Variants in NPEPPS observed in about 807,000 individuals in gnomAD.
NPEPPS encodes aminopeptidase puromycin sensitive.
A neutral mutation model predicts 115.5 loss-of-function variants in NPEPPS; 14 were observed. The ratio of observed to expected loss-of-function variants is 0.12; its 90% confidence interval spans 0.08 to 0.19. The LOEUF (loss-of-function observed/expected upper bound fraction) is 0.19. Ranked by LOEUF, NPEPPS falls within the 10% of genes least tolerant of loss-of-function variation. NPEPPS has a pLI of 1.00. For missense variants in NPEPPS, 523 were observed against 1,110.8 expected (o/e 0.47, Z 7.52); for synonymous variants, 285 against 390.6 (o/e 0.73, Z 3.19).
intron 8 of NPEPPS, 110 bp downstream of exon 8, chr17:47,586,508 T>G: frequency 1.3e-6 from 1 of 787,120 alleles, no homozygotes; most frequent in Non-Finnish European, 2.1e-6. Context: ...TGGTGTAAAT[T>G]TTTCTACCTT....
chr17:47,570,463 T>C (rs983510021), intron 3 of NPEPPS, among the ~76,000 whole-genome samples: 5 of 152,178 alleles, frequency 3.3e-5, no homozygotes, highest in African/African-American at 1.2e-4. Context: ...GCATCTTCTA[T>C]TAATTGAATC....
chr17:47,526,664 A>G (rs1184523723), upstream of NPEPPS, among the ~76,000 whole-genome samples: 2 of 152,246 alleles, frequency 1.3e-5, no homozygotes, highest in African/African-American at 4.8e-5. Context: ...ATAAAATACA[A>G]CTGGAGAGTT....
chr17:47,566,965 C>T (rs1179784085), intron 2 of NPEPPS, among the ~76,000 whole-genome samples: 1 of 152,078 alleles, frequency 6.6e-6, no homozygotes, highest in African/African-American at 2.4e-5. Context: ...CTGTAGTCCC[C>T]AGCTATCCCG....
chr17:47,597,638 A>C (rs1364838006), intron 13 of NPEPPS, among the ~76,000 whole-genome samples: 2 of 152,110 alleles, frequency 1.3e-5, no homozygotes, highest in African/African-American at 4.8e-5. Flanking sequence ...AAGTGCTGGG[A>C]TTACAGGTAT....
In NPEPPS at chr17:47,618,221, C is replaced by T. The variant is rs1038844812; in HGVS notation, c.2296-129C>T. ...AGTATTCTCTTTCTTTAATATAATGCCCTGCCATTCTTACCTAGTGAGAAT... is the reference window on the plus strand; with the variant it reads ...AGTATTCTCTTTCTTTAATATAATGTCCTGCCATTCTTACCTAGTGAGAAT... On this transcript the variant is annotated intron_variant, in intron 19 of 22. Coordinates refer to ENST00000322157, the MANE Select transcript of NPEPPS (RefSeq NM_006310.4). 6.5e-6 allele frequency: 4 copies of T among 619,256 alleles called. No homozygotes were observed. The African/African-American group carries it at 7.4e-5, about 12-fold the overall frequency. 38.4% of individuals were successfully genotyped at this position (619,256 alleles called of 1,614,324 possible).
rs533559497 is a variant in NPEPPS at position 47,524,171 on chromosome 17, G to A, written c.77+1108G>A. On this transcript the variant is annotated intron_variant, in intron 1 of 5. Transcript: ENST00000525007. ...AAATACAAAAAATTAGCTGGGCGTG[G>A]TGGCAGGCACCTGTAATCCCAGCTA... Among the ~76,000 whole-genome samples the A allele has an allele frequency of 3.9e-5, 6 of 152,028 alleles. No homozygotes were observed. In the South Asian group the frequency reaches 1.2e-3, roughly 32 times the overall value.
Position 47,575,188 on chromosome 17 carries a change from C to G in NPEPPS, c.419-4202C>G, listed in dbSNP as rs541091662. 1.4e-4 allele frequency among the ~76,000 whole-genome samples: 22 copies of G among 152,266 alleles called. No individual in the cohort carries two copies. The South Asian group carries it at 3.3e-3, about 23-fold the overall frequency. ...ACCGTCTTCTTTCTCAGCTCCATTC[C>G]TCAACAGAATGAAATGAAATTTTCC... On this transcript the variant is annotated intron_variant, in intron 3 of 22. Coordinates refer to ENST00000322157, the MANE Select transcript of NPEPPS (RefSeq NM_006310.4).
At chr17:47,586,124 G>C (rs1282606623) in intron 6 of NPEPPS, 24 bp from the exon 7 acceptor site, 2 of 580,560 alleles carry the variant, frequency 3.4e-6, no homozygotes, top group African/African-American at 2.0e-5. Context: ...TTATTAGATG[G>C]TTATTTTGTT....
At chr17:47,602,511 A>G (rs750534706) in intron 15 of NPEPPS, among the ~76,000 whole-genome samples, 1 of 151,808 alleles carries the variant, frequency 6.6e-6, no homozygotes, top group Non-Finnish European at 1.5e-5. Flanking sequence ...GATGGTGTGC[A>G]CCTGTAATCC....
chr17:47,534,454 C>T lies in NPEPPS; in HGVS notation c.255+2899C>T, dbSNP rs142859928. Among the ~76,000 whole-genome samples, 11 of 152,332 alleles carry T rather than the reference C, an allele frequency of 7.2e-5. No homozygotes were observed. The East Asian group carries it at 2.1e-3, about 29-fold the overall frequency. ...TTTCCTAACAGTTGGAATCACATAA[C>T]ACAAAACATGCAAGTTGCTTAGTTG... On this transcript the variant is annotated intron_variant, in intron 1 of 22. Coordinates refer to ENST00000322157, the MANE Select transcript of NPEPPS (RefSeq NM_006310.4).
Position 47,599,681 on chromosome 17 carries a change from A to G in NPEPPS, c.1542A>G (p.Glu514=). The G allele has an allele frequency of 6.4e-7, 1 of 1,560,090 alleles. No individual in the cohort carries two copies. The highest frequency in any genetic ancestry group is 1.4e-5 in the African/African-American group (1 of 73,868). ...CCTTTGTTTTGCTTCTTTAGGTAGAAGATGACAGATTATTGAGGTTGTCCC... is the reference window on the plus strand; with the variant it reads ...CCTTTGTTTTGCTTCTTTAGGTAGAGGATGACAGATTATTGAGGTTGTCCC... ...PLIYVEAEQV[E]DDRLLRLSQK... is the part of the protein sequence containing the mutation. Residue 514 remains glutamate, a synonymous_variant, in exon 14 of 23, where the codon GAA becomes GAG. Coordinates refer to ENST00000322157, the MANE Select transcript of NPEPPS (RefSeq NM_006310.4).
At chr17:47,558,294 A>T (rs1353976622) in intron 2 of NPEPPS, among the ~76,000 whole-genome samples, 1 of 150,896 alleles carries the variant, frequency 6.6e-6, no homozygotes, top group Non-Finnish European at 1.5e-5. Flanking sequence ...TTCCTGGCTA[A>T]TTTTTTCTAT....
At chr17:47,605,617 A>G in intron 17 of NPEPPS, 65 bp downstream of exon 17, 8 of 926,300 alleles carry the variant, frequency 8.6e-6, no homozygotes, top group Non-Finnish European at 1.3e-5. Flanking sequence ...GTGGTTAACA[A>G]TATAATTAAT....
chr17:47,613,598 T>A (rs1914010366), intron 18 of NPEPPS, 71 bp from the exon 19 acceptor site: 1 of 1,259,388 alleles, frequency 7.9e-7, no homozygotes, highest in Admixed American at 1.8e-5. Context: ...TTGCTTTCTG[T>A]CTTTTCTTAG....
intron 1 of NPEPPS, among the ~76,000 whole-genome samples, 197 bp from the exon 2 acceptor site, chr17:47,545,712 C>A (rs1310995566): frequency 6.6e-6 from 1 of 151,870 alleles, no homozygotes; most frequent in Non-Finnish European, 1.5e-5. Context: ...CAACTCCTGG[C>A]CAATTTTTGT....
At position 47,550,580 on chromosome 17, in the gene NPEPPS, G is replaced by T. The variant is rs184369635; in HGVS notation, c.340+4587G>T. ...GGTTTGTTTCTCATCCCTTTCTTTA[G>T]ATATAGTAACAGTTATACCAGATAT... On this transcript the variant is annotated intron_variant, in intron 2 of 22. Coordinates refer to ENST00000322157, the MANE Select transcript of NPEPPS (RefSeq NM_006310.4). Among the ~76,000 whole-genome samples the T allele has an allele frequency of 2.9e-3, 422 of 145,720 alleles. 4 individuals carry two copies. The highest frequency in any genetic ancestry group is 0.01 in the African/African-American group (403 of 39,912).
In NPEPPS at chr17:47,602,681, C is replaced by CT. The variant is rs906667740; in HGVS notation, c.1740+944dup. ...AGCCATTTTTTCTGTTTATCAACTTCTTTTTTTTTTGAGTTGGTCTCACTA... is the reference window on the plus strand; with the variant it reads ...AGCCATTTTTTCTGTTTATCAACTTCTTTTTTTTTTTGAGTTGGTCTCACTA... On this transcript the variant is annotated intron_variant, in intron 15 of 22. Transcript: ENST00000322157. Among the ~76,000 whole-genome samples, 879 of 139,158 alleles carry CT rather than the reference C, an allele frequency of 6.3e-3. 6 individuals are homozygous for CT. Among genetic ancestry groups the CT allele is most frequent in the African/African-American group, 0.021 (804 of 38,554 alleles). 91.3% of individuals were successfully genotyped at this position (139,158 alleles called of 152,430 possible). A position where few individuals can be genotyped will look rare whatever the true frequency, so the allele number is the denominator to read the frequency against.
rs1457953803 is a variant in NPEPPS at position 47,621,823 on chromosome 17, G to A, written c.2663G>A (p.Cys888Tyr). 6.2e-7 allele frequency: 1 copy of A among 1,613,920 alleles called. No individual in the cohort carries two copies. Among genetic ancestry groups the A allele is most frequent in the South Asian group, 1.1e-5 (1 of 91,080 alleles). The change falls in exon 23 of 23, where the codon TGT becomes TAT. Residue 888 changes from cysteine (C) to tyrosine (Y), a missense_variant. By Grantham distance (194) the Cys-to-Tyr change is radical. Around this residue, in one of 4 missense-constraint regions of NPEPPS, gnomAD observed 372 missense variants for 542.6 expected, o/e 0.69. Coordinates refer to ENST00000322157, the MANE Select transcript of NPEPPS (RefSeq NM_006310.4). ...GCTGAGCGTACCATCCAGCAGTGTTGTGAAAATATTCTGCTGAATGCTGCC... is the reference window on the plus strand; with the variant it reads ...GCTGAGCGTACCATCCAGCAGTGTTATGAAAATATTCTGCTGAATGCTGCC... Reference protein sequence around the residue: ...PSAERTIQQCCENILLNAAWL... With the variant: ...PSAERTIQQCYENILLNAAWL...
chr17:47,596,856 C>G (rs1251920877), intron 13 of NPEPPS, among the ~76,000 whole-genome samples: 1 of 152,050 alleles, frequency 6.6e-6, no homozygotes, highest in African/African-American at 2.4e-5. Flanking sequence ...GAGGCCAGCC[C>G]GGCCAATGTA....
Sources: gnomAD v4.1 joint callset for allele counts (sites outside exome capture counted in the v4.1 genomes callset) on GRCh38, gnomAD v4.1.1 for gene constraint, gnomAD v4.1.1 regional missense constraint, MANE v1.5 for transcripts, NCBI Gene and HGNC (gene_info 2026-07-23, HGNC 2026-07-21) for gene names.